Variants in COL5A2 observed in about 807,000 individuals in gnomAD.
The protein encoded by COL5A2 is collagen type V alpha 2 chain.
Under a neutral mutation model 208.2 loss-of-function variants are expected in COL5A2, and 23 were observed. That is an observed-to-expected ratio of 0.11 (90% CI 0.08 to 0.16). The LOEUF is 0.16. COL5A2 is among the 10% of genes least tolerant of loss of function. The pLI is 1.00. For missense variants in COL5A2, 1,590 were observed against 1,956.4 expected (o/e 0.81, Z 3.53); for synonymous variants, 625 against 628.5 (o/e 0.99, Z 0.08).
At chr2:189,414,512 T>C in the COL5A2 span, among the ~76,000 whole-genome samples, 1 of 151,984 alleles carries the variant, frequency 6.6e-6, no homozygotes, top group Non-Finnish European at 1.5e-5. Flanking sequence ...TCCTAGCACT[T>C]TGGGAGGCCG....
intron 1 of COL5A2, among the ~76,000 whole-genome samples, chr2:189,142,609 C>A (rs1180123030): frequency 1.3e-5 from 2 of 152,044 alleles, no homozygotes; most frequent in South Asian, 2.1e-4. Context: ...CCAAAAAATT[C>A]TCTCCATATT....
At chr2:189,224,083 G>A (rs1689381721) in intron 1 of COL5A2, among the ~76,000 whole-genome samples, 1 of 151,860 alleles carries the variant, frequency 6.6e-6, no homozygotes, top group South Asian at 2.1e-4. Flanking sequence ...AGGAAGCTGA[G>A]AGAGAAGAAG....
chr2:189,386,020 G>A, the COL5A2 span, among the ~76,000 whole-genome samples: 1 of 152,160 alleles, frequency 6.6e-6, no homozygotes, highest in South Asian at 2.1e-4. Context: ...AGGCAAGAGA[G>A]CTTGTGCAGG....
the COL5A2 span, among the ~76,000 whole-genome samples, chr2:189,405,527 G>C: frequency 6.6e-6 from 1 of 152,166 alleles, no homozygotes. Flanking sequence ...ACCGTGCCTG[G>C]CCTAATTAAA....
intron 35 of COL5A2, 109 bp from the exon 36 acceptor site, chr2:189,054,321 T>C: frequency 1.2e-6 from 1 of 817,940 alleles, no homozygotes; most frequent in Admixed American, 2.1e-5. Flanking sequence ...ATAATTTGGC[T>C]GCCTTTGCAA....
intron 1 of COL5A2, among the ~76,000 whole-genome samples, chr2:189,162,082 A>T (rs1183078301): frequency 6.6e-6 from 1 of 152,176 alleles, no homozygotes; most frequent in Non-Finnish European, 1.5e-5. Context: ...CTCCCATCCC[A>T]GTCCTCCACC....
chr2:189,211,495 A>G (rs968849103), intron 1 of COL5A2, among the ~76,000 whole-genome samples: 1 of 152,218 alleles, frequency 6.6e-6, no homozygotes, highest in Non-Finnish European at 1.5e-5. Context: ...ACCAAGAGTT[A>G]AAGTTTATAT....
At chr2:189,062,713 C>A in intron 29 of COL5A2, 152 bp downstream of exon 29, 2 of 824,010 alleles carry the variant, frequency 2.4e-6, no homozygotes, top group South Asian at 1.5e-5. Context: ...TCACAGAAAT[C>A]AAAAGAGAAG....
the COL5A2 span, among the ~76,000 whole-genome samples, chr2:189,302,497 T>G: frequency 6.6e-6 from 1 of 152,246 alleles, no homozygotes; most frequent in East Asian, 1.9e-4. Flanking sequence ...TCCTATTTTC[T>G]TATAGGTCAT....
chr2:189,051,086 T>C (rs771738458), intron 42 of COL5A2, among the ~76,000 whole-genome samples: 1 of 152,136 alleles, frequency 6.6e-6, no homozygotes, highest in Non-Finnish European at 1.5e-5. Flanking sequence ...ACAATGAACA[T>C]TTAACAAATA....
the COL5A2 span, among the ~76,000 whole-genome samples, chr2:189,307,329 T>G: frequency 6.6e-6 from 1 of 152,104 alleles, no homozygotes; most frequent in African/African-American, 2.4e-5. Flanking sequence ...TCAATTAATA[T>G]TCTACCTATA....
intron 1 of COL5A2, among the ~76,000 whole-genome samples, chr2:189,139,508 AAAAGGAGCCT>A (rs1687894447): frequency 6.6e-6 from 1 of 152,194 alleles, no homozygotes; most frequent in Admixed American, 6.5e-5. Flanking sequence ...TGTCATAGCC[AAAAGGAGCCT>A]AAGGAGACAT....
In COL5A2 at chr2:189,109,111, A is replaced by G. The variant is rs534529460; in HGVS notation, c.322+1114T>C. On this transcript the variant is annotated intron_variant, in intron 2 of 53. Transcript: ENST00000374866. ...TCTTATGGCATCTGTGCATAATGCAATTGCCAGCTCCTAGACCAACTATTT... is the reference window on the plus strand; with the variant it reads ...TCTTATGGCATCTGTGCATAATGCAGTTGCCAGCTCCTAGACCAACTATTT... Among the ~76,000 whole-genome samples the G allele has an allele frequency of 5.9e-5, 9 of 152,018 alleles. No individual in the cohort carries two copies. The East Asian group carries it at 1.7e-3, about 29-fold the overall frequency.
the COL5A2 span, among the ~76,000 whole-genome samples, chr2:189,343,898 C>T: frequency 1.2e-4 from 18 of 152,164 alleles, no homozygotes; most frequent in Admixed American, 5.2e-4. Flanking sequence ...AAATATAAAA[C>T]GTAGACAAAA....
the COL5A2 span, among the ~76,000 whole-genome samples, chr2:189,414,991 A>T: frequency 1.3e-5 from 2 of 152,150 alleles, no homozygotes; most frequent in Non-Finnish European, 2.9e-5. Flanking sequence ...TGATATTCCA[A>T]ACTTCTATTA....
At chr2:189,201,478 G>C (rs776387490) in intron 1 of COL5A2, among the ~76,000 whole-genome samples, 1 of 151,900 alleles carries the variant, frequency 6.6e-6, no homozygotes, top group Non-Finnish European at 1.5e-5. Context: ...ATAGAGATTA[G>C]AGTACACGGT....
the COL5A2 span, among the ~76,000 whole-genome samples, chr2:189,344,152 T>C: frequency 6.6e-6 from 1 of 152,172 alleles, no homozygotes; most frequent in East Asian, 1.9e-4. Context: ...ATAGCTTTTA[T>C]CTCAGAACTC....
chr2:189,126,792 A>G (rs1490103434), intron 1 of COL5A2, among the ~76,000 whole-genome samples: 1 of 152,104 alleles, frequency 6.6e-6, no homozygotes, highest in Non-Finnish European at 1.5e-5. Flanking sequence ...TGGGTCTCCA[A>G]AGAAATATCC....
the COL5A2 span, among the ~76,000 whole-genome samples, chr2:189,409,441 A>G: frequency 1.3e-5 from 2 of 152,010 alleles, no homozygotes; most frequent in African/African-American, 4.8e-5. Flanking sequence ...TCATTGTTCA[A>G]TTAGCATTTT....
Sources: gnomAD v4.1 joint callset for allele counts (sites outside exome capture counted in the v4.1 genomes callset) on GRCh38, gnomAD v4.1.1 for gene constraint, MANE v1.5 for transcripts, NCBI Gene and HGNC (gene_info 2026-07-23, HGNC 2026-07-21) for gene names.